The following GNAS-AS1 variants were observed in gnomAD, a reference collection of about 807,000 sequenced individuals.
The protein encoded by GNAS-AS1 is GNAS antisense RNA 1.
Position 58,841,304 on chromosome 20 carries a change from T to C in GNAS-AS1, n.819+633A>G, listed in dbSNP as rs2085713552. 1 of 1,063,512 alleles carries C rather than the reference T, an allele frequency of 9.4e-7. No individual in the cohort carries two copies. The highest frequency in any genetic ancestry group is 5.0e-5 in the Admixed American group (1 of 20,092). 65.9% of individuals were successfully genotyped at this position (1,063,512 alleles called of 1,614,324 possible). A position where few individuals can be genotyped will look rare whatever the true frequency, so the allele number is the denominator to read the frequency against. On this transcript the variant is annotated intron_variant and non_coding_transcript_variant, in intron 4 of 4. Transcript: ENST00000424094. This position sits in a 1 kb window ranked among gnomAD's most constrained non-coding sequence, Gnocchi z 5.0. The stretch of plus-strand genomic sequence containing the variant: ...TTGGCCTTCTCAGGTGTCCAAAATG[T>C]GGTTCGGAGGTGCGCGCGCCAACTT...
intron 4 of GNAS-AS1, among the ~76,000 whole-genome samples, chr20:58,831,270 G>A (rs1184275669): frequency 2.6e-5 from 4 of 152,128 alleles, no homozygotes; most frequent in Admixed American, 6.5e-5. Context: ...GCCAGACCAC[G>A]CTAATATTTC....
chr20:58,825,056 C>A (rs956189538), intron 4 of GNAS-AS1, among the ~76,000 whole-genome samples: 2 of 152,240 alleles, frequency 1.3e-5, no homozygotes, highest in African/African-American at 4.8e-5. Context: ...CGTCCGCAAA[C>A]ATAAACACGT....
chr20:58,828,159 G>A (rs1271690483), intron 4 of GNAS-AS1, among the ~76,000 whole-genome samples: 3 of 152,176 alleles, frequency 2.0e-5, no homozygotes, highest in Admixed American at 6.5e-5. Context: ...TTTAGCCTTG[G>A]CCAAACCCTT....
In GNAS-AS1 at chr20:58,822,360, C is replaced by G. The variant is rs142230159; in HGVS notation, n.820-3105G>C. Among the ~76,000 whole-genome samples, 399 of 152,266 alleles carry G rather than the reference C, an allele frequency of 2.6e-3. 1 individual carries two copies. The highest frequency in any genetic ancestry group is 9.1e-3 in the African/African-American group (379 of 41,558). ...GATGAGTGACAGGCACAAGTGGTGG[C>G]AGGCACAGGGGTGTGTGTGCTGCTG... On this transcript the variant is annotated intron_variant and non_coding_transcript_variant, in intron 4 of 4. Transcript: ENST00000424094.
intron 4 of GNAS-AS1, chr20:58,834,670 T>C (rs1333025741): frequency 6.6e-6 from 1 of 152,158 alleles, no homozygotes; most frequent in African/African-American, 2.4e-5. Context: ...TTGCTCCTCC[T>C]GTGGCAGAGG....
chr20:58,845,151 AG>A (rs1403497100), intron 2 of GNAS-AS1, among the ~76,000 whole-genome samples: 3 of 152,286 alleles, frequency 2.0e-5, no homozygotes, highest in Non-Finnish European at 4.4e-5. Context: ...CAGCTTGGAG[AG>A]GCTAACCACT....
rs1040062014 is a variant in GNAS-AS1, at chr20:58,839,873, TCC to T, written n.819+2062_819+2063del. The T allele has an allele frequency of 1.0e-5, 6 of 597,078 alleles. No individual in the cohort carries two copies. The African/African-American group carries it at 1.1e-4, about 11-fold the overall frequency. The allele number at this position is 597,078 out of a possible 1,614,324, so 37.0% of individuals were successfully genotyped here. A position where few individuals can be genotyped will look rare whatever the true frequency, so the allele number is the denominator to read the frequency against. On this transcript the variant is annotated intron_variant and non_coding_transcript_variant, in intron 4 of 4. Transcript: ENST00000424094. Reference sequence around the variant, plus strand: ...GACAGAACTTTCCCCTTTTTTCCCATCCCTTCTTCTTGCTCAGAGAGGCAAGC... The same window carrying T: ...GACAGAACTTTCCCCTTTTTTCCCATCTTCTTCTTGCTCAGAGAGGCAAGC...
chr20:58,837,985 G>A (rs952738780), intron 4 of GNAS-AS1, among the ~76,000 whole-genome samples: 3 of 152,204 alleles, frequency 2.0e-5, no homozygotes, highest in African/African-American at 7.2e-5. Context: ...AGAAGTACCA[G>A]TACCAGGAGG....
intron 4 of GNAS-AS1, among the ~76,000 whole-genome samples, chr20:58,831,268 A>G (rs2085567159): frequency 6.6e-6 from 1 of 152,232 alleles, no homozygotes; most frequent in South Asian, 2.1e-4. Flanking sequence ...CGGCCAGACC[A>G]CGCTAATATT....
rs765971891 is a variant in GNAS-AS1 at position 58,840,600 on chromosome 20, C to G, written n.819+1337G>C. 5.0e-6 allele frequency: 8 copies of G among 1,610,482 alleles called. No homozygotes were observed. Among genetic ancestry groups the G allele is most frequent in the South Asian group, 2.2e-5 (2 of 91,060 alleles). ...CAGTCCCTCACCCAGCGTCTGCACG[C>G]TCTCAAGTTGCGAAGCCCCGACGCC... On this transcript the variant is annotated intron_variant and non_coding_transcript_variant, in intron 4 of 4. Coordinates refer to ENST00000424094, the Ensembl canonical transcript of GNAS-AS1. The surrounding 1 kb of genome is among the most constrained non-coding windows in gnomAD (Gnocchi z 6.0).
chr20:58,826,042 A>G (rs1212360797), intron 4 of GNAS-AS1: 1 of 398,554 alleles, frequency 2.5e-6, no homozygotes, highest in African/African-American at 2.1e-5. Flanking sequence ...CGATGACTTC[A>G]GCGAGAAAGA....
Position 58,840,258 on chromosome 20 carries a change from G to A in GNAS-AS1, n.819+1679C>T, listed in dbSNP as rs764371346. The A allele has an allele frequency of 1.9e-6, 3 of 1,611,518 alleles. No homozygotes were observed. Among genetic ancestry groups the A allele is most frequent in the Non-Finnish European group, 2.5e-6 (3 of 1,179,854 alleles). On this transcript the variant is annotated intron_variant and non_coding_transcript_variant, in intron 4 of 4. Transcript: ENST00000424094. The surrounding 1 kb of genome is among the most constrained non-coding windows in gnomAD (Gnocchi z 6.0). ...CGCGCCCTTGCCACCTCCAACGCCC[G>A]TGCCCAGCAGCGCGCGGCTGCCCAA... is the stretch of plus-strand genomic sequence containing the variant.
intron 2 of GNAS-AS1, among the ~76,000 whole-genome samples, chr20:58,846,781 T>C (rs1360472806): frequency 6.6e-6 from 1 of 152,226 alleles, no homozygotes; most frequent in East Asian, 1.9e-4. Flanking sequence ...ATTGAGGTTG[T>C]TCTAGAAGGT....
chr20:58,820,437 G>A (rs2085478430), intron 4 of GNAS-AS1, among the ~76,000 whole-genome samples: 1 of 152,202 alleles, frequency 6.6e-6, no homozygotes, highest in Non-Finnish European at 1.5e-5. Flanking sequence ...CCCCACCTAA[G>A]GCCTAAGGAA....
chr20:58,850,700 T>A, exon 1 of GNAS-AS1: 2 of 398,926 alleles, frequency 5.0e-6, no homozygotes, highest in Non-Finnish European at 8.8e-6. Context: ...TGGGTTAGCC[T>A]GCCGCCATCA....
chr20:58,832,939 T>C (rs2085576835), intron 4 of GNAS-AS1, among the ~76,000 whole-genome samples: 2 of 152,254 alleles, frequency 1.3e-5, no homozygotes, highest in Non-Finnish European at 2.9e-5. Context: ...TAAATTCCCG[T>C]TGTCCTCTAA....
intron 4 of GNAS-AS1, chr20:58,826,863 C>CTTTTTTTTTTTTTTTTTTTTTTTTTT (rs57146714): frequency 3.3e-4 from 28 of 85,748 alleles, no homozygotes; most frequent in Non-Finnish European, 4.5e-4. Flanking sequence ...CCATGCCTGG[C>CTTTTTTTTTTTTTTTTTTTTTTTTTT]TTTTTTTTTT....
At position 58,842,181 on chromosome 20, in the gene GNAS-AS1, A is replaced by G. The variant is rs1600663061; in HGVS notation, n.575T>C. 4.8e-5 allele frequency: 19 copies of G among 398,560 alleles called. No homozygotes were observed. The East Asian group carries it at 6.8e-4, about 14-fold the overall frequency. The allele number at this position is 398,560 out of a possible 1,614,324, so 24.7% of individuals were successfully genotyped here. On this transcript the variant is annotated non_coding_transcript_exon_variant, in exon 4 of 5. Coordinates refer to ENST00000424094, the Ensembl canonical transcript of GNAS-AS1. ...AAAAACGGCAGCAATCTGGTAACGC[A>G]CCTTCGGAAGGGAAGGCGTGCTCTC...
Position 58,840,062 on chromosome 20 carries a change from G to A in GNAS-AS1, n.819+1875C>T. The A allele has an allele frequency of 6.2e-7, 1 of 1,604,896 alleles. No homozygotes were observed. The highest frequency in any genetic ancestry group is 8.5e-7 in the Non-Finnish European group (1 of 1,178,496). ...CCAATGTGCTTCGGAGCCACTCTCT[G>A]CAGAGCCAGAGGGCAGGCCGGCTTC... On this transcript the variant is annotated intron_variant and non_coding_transcript_variant, in intron 4 of 4. Coordinates refer to ENST00000424094, the Ensembl canonical transcript of GNAS-AS1. This position sits in a 1 kb window ranked among gnomAD's most constrained non-coding sequence, Gnocchi z 6.0.
Sources: allele counts gnomAD v4.1 joint callset (sites outside exome capture counted in the v4.1 genomes callset), GRCh38; gene constraint gnomAD v4.1.1; non-coding constraint Gnocchi (gnomAD v3.1); transcripts MANE v1.5; gene names NCBI Gene and HGNC (gene_info 2026-07-23, HGNC 2026-07-21).